ADAM22: variants seen among roughly 807,000 people sequenced by gnomAD.
ADAM22 encodes disintegrin and metalloproteinase domain-containing protein 22.
ADAM22 carries 65 observed loss-of-function variants against 144.6 expected under a neutral mutation model. The ratio of observed to expected loss-of-function variants is 0.45; its 90% CI spans 0.37 to 0.55. The LOEUF is 0.55. Among genes scored for constraint, ADAM22 ranks in the 20% least tolerant of loss-of-function variants. The probability of loss-of-function intolerance (pLI) is 0.00; values close to 1 mark genes in which losing one functional copy is unlikely to be tolerated. For synonymous variants in ADAM22, 391 were observed against 412.6 expected (o/e 0.95, Z 0.63); for missense variants, 974 against 1,184.9 (o/e 0.82, Z 2.61).
chr7:88,097,513 G>A (rs767561402), intron 4 of ADAM22, among the ~76,000 whole-genome samples: 2 of 151,598 alleles, frequency 1.3e-5, no homozygotes, highest in African/African-American at 2.4e-5. Flanking sequence ...AAGGAATGGA[G>A]GATAGAATTG....
At chr7:88,165,810 C>T (rs2129530529) in intron 23 of ADAM22, 22 bp from the exon 24 acceptor site, 1 of 1,537,458 alleles carries the variant, frequency 6.5e-7, no homozygotes, top group African/African-American at 1.4e-5. Context: ...GACATTTACT[C>T]TAGCTTGATT....
In ADAM22 at chr7:87,988,396, GGAC is replaced by G. The variant is rs567989050; in HGVS notation, c.323+9985_323+9987del. On this transcript the variant is annotated intron_variant, in intron 3 of 31. Coordinates refer to ENST00000413139, the MANE Select transcript of ADAM22 (RefSeq NM_001324418.2). ...AAGGCACTGTGATGCACCTCTGTGA[GGAC>G]TGTGCTGTAACAACCACATGTGGGT... Among the ~76,000 whole-genome samples, 345 of 152,280 alleles carry G rather than the reference GGAC, an allele frequency of 2.3e-3. 3 individuals carry two copies. The highest frequency in any genetic ancestry group is 7.8e-3 in the African/African-American group (322 of 41,548).
chr7:87,978,447 C>A, intron 3 of ADAM22, 35 bp downstream of exon 3: 1 of 1,561,930 alleles, frequency 6.4e-7, no homozygotes, highest in African/African-American at 1.4e-5. Flanking sequence ...TTGTCAGATA[C>A]ACATTGAATC....
chr7:88,006,938 A>G (rs888553451), intron 3 of ADAM22, among the ~76,000 whole-genome samples: 19 of 151,014 alleles, frequency 1.3e-4, no homozygotes, highest in Non-Finnish European at 2.2e-4. Flanking sequence ...AGGGTATTCA[A>G]TTAGGAAAAG....
chr7:88,125,553 A>G, intron 7 of ADAM22, 36 bp from the exon 8 acceptor site: 1 of 1,495,032 alleles, frequency 6.7e-7, no homozygotes, highest in Non-Finnish European at 9.2e-7. Context: ...AATCTGACAA[A>G]TGCACTAAGT....
At chr7:88,110,476 A>G (rs1016067915) in intron 5 of ADAM22, among the ~76,000 whole-genome samples, 9 of 152,116 alleles carry the variant, frequency 5.9e-5, no homozygotes, top group Admixed American at 1.3e-4. Context: ...GAGAGAAGAT[A>G]TTTGTGCCTT....
At position 87,998,515 on chromosome 7, in the gene ADAM22, C is replaced by T. The variant is rs563520616; in HGVS notation, c.323+20103C>T. On this transcript the variant is annotated intron_variant, in intron 3 of 31. Coordinates refer to ENST00000413139, the MANE Select transcript of ADAM22 (RefSeq NM_001324418.2). ...AGGTGATTCTCCTGCCTCAGCCTCC[C>T]GAGTAGCTGCGACTACAGGTGCACG... is the stretch of plus-strand genomic sequence containing the variant. Among the ~76,000 whole-genome samples the T allele has an allele frequency of 4.6e-5, 7 of 152,194 alleles. No homozygotes were observed. The East Asian group carries it at 5.8e-4, about 13-fold the overall frequency.
chr7:87,974,113 G>A lies in ADAM22; in HGVS notation c.247-4223G>A, dbSNP rs1366078995. 6.8e-5 allele frequency among the ~76,000 whole-genome samples: 10 copies of A among 147,976 alleles called. No homozygotes were observed. In the South Asian group the frequency reaches 1.9e-3, roughly 29 times the overall value. ...AATAATAAAATTAAAAAAAAAAAAA[G>A]AGAAACCTTGTCTCTACTAAAAAGA... is the stretch of plus-strand genomic sequence containing the variant. On this transcript the variant is annotated intron_variant, in intron 2 of 31. Coordinates refer to ENST00000413139, the MANE Select transcript of ADAM22 (RefSeq NM_001324418.2).
Position 88,202,118 on chromosome 7 carries a change from C to T in ADAM22, c.*5627C>T, listed in dbSNP as rs1042555672. The T allele has an allele frequency of 4.6e-5, 7 of 152,130 alleles. No individual in the cohort carries two copies. The highest frequency in any genetic ancestry group is 1.7e-4 in the African/African-American group (7 of 41,436). The allele number at this position is 152,130 out of a possible 1,614,324, so 9.4% of individuals were successfully genotyped here. On this transcript the variant is annotated 3_prime_UTR_variant, in exon 32 of 32. Coordinates refer to ENST00000413139, the MANE Select transcript of ADAM22 (RefSeq NM_001324418.2). ...GTGTATCACTGCCTGACTAGAAACC[C>T]CACTTTTCTTTTCTAATCCAGCACA... is the stretch of plus-strand genomic sequence containing the variant.
chr7:88,197,633 C>T lies in ADAM22; in HGVS notation c.*1142C>T, dbSNP rs1258775157. On this transcript the variant is annotated 3_prime_UTR_variant, in exon 32 of 32. Transcript: ENST00000413139. ...TGTGGCCTGAAGTTTTGTTCCTTGG[C>T]AAAACTTTGTAGTCACCCTTATCTG... The T allele has an allele frequency of 2.0e-5, 3 of 152,176 alleles. No homozygotes were observed. The highest frequency in any genetic ancestry group is 7.2e-5 in the African/African-American group (3 of 41,442). The allele number at this position is 152,176 out of a possible 1,614,324, so 9.4% of individuals were successfully genotyped here. A position where few individuals can be genotyped will look rare whatever the true frequency, so the allele number is the denominator to read the frequency against.
At position 88,061,353 on chromosome 7, in the gene ADAM22, C is replaced by T. The variant is rs368928807; in HGVS notation, c.324-14273C>T. Among the ~76,000 whole-genome samples the T allele has an allele frequency of 2.4e-4, 37 of 152,136 alleles. No individual in the cohort carries two copies. The East Asian group carries it at 2.9e-3, about 12-fold the overall frequency. ...TGTTCTTAATGGCATCTAGATGGGG[C>T]GAAGGTTTTCAATTTACTTTGCCCA... On this transcript the variant is annotated intron_variant, in intron 3 of 31. Coordinates refer to ENST00000413139, the MANE Select transcript of ADAM22 (RefSeq NM_001324418.2).
chr7:87,979,940 TCTGTGTTTTC>T (rs922194169), intron 3 of ADAM22, among the ~76,000 whole-genome samples: 6 of 152,216 alleles, frequency 3.9e-5, no homozygotes, highest in Admixed American at 2.0e-4. Flanking sequence ...CTGTTGGTAA[TCTGTGTTTTC>T]TGCTTCCTGA....
chr7:88,182,151 C>T (rs946921272), intron 29 of ADAM22, 127 bp downstream of exon 29: 21 of 783,928 alleles, frequency 2.7e-5, no homozygotes, highest in Middle Eastern at 3.8e-4. Context: ...CTTTTAAATT[C>T]TTTTTTGCCC....
In ADAM22 at chr7:88,153,258, G is replaced by T; in HGVS notation, c.1719G>T (p.Leu573=). The T allele has an allele frequency of 6.2e-7, 1 of 1,613,516 alleles. No homozygotes were observed. Reference sequence around the variant, plus strand: ...CAGACAAATATTGCTATGAGAAACTGAATATTGAAGGGACGGAGAAGGGTA... The same window carrying T: ...CAGACAAATATTGCTATGAGAAACTTAATATTGAAGGGACGGAGAAGGGTA... The part of the protein sequence containing the change: ...TASDKYCYEK[L]NIEGTEKGNC... The change falls in exon 21 of 32, where the codon CTG becomes CTT. Residue 573 remains leucine (L), a synonymous_variant. Transcript: ENST00000413139.
intron 3 of ADAM22, among the ~76,000 whole-genome samples, chr7:87,993,061 G>A (rs1790281064): frequency 6.6e-6 from 1 of 152,160 alleles, no homozygotes; most frequent in Non-Finnish European, 1.5e-5. Flanking sequence ...ACCAAACAAG[G>A]AATCTATTGG....
At chr7:87,946,508 A>G (rs1047101519) in intron 2 of ADAM22, among the ~76,000 whole-genome samples, 3 of 152,166 alleles carry the variant, frequency 2.0e-5, no homozygotes, top group African/African-American at 7.2e-5. Flanking sequence ...AGTTTGAAGC[A>G]TCTTGAGTTA....
chr7:87,964,080 A>G (rs540712940), intron 2 of ADAM22, among the ~76,000 whole-genome samples: 5 of 152,330 alleles, frequency 3.3e-5, no homozygotes, highest in African/African-American at 9.6e-5. Context: ...CTATGTCTTA[A>G]GTCTGTAAGA....
In ADAM22 at chr7:88,045,529, G is replaced by A. The variant is rs10270293; in HGVS notation, c.324-30097G>A. Among the ~76,000 whole-genome samples the A allele has an allele frequency of 8.5e-3, 1,290 of 152,166 alleles. 20 individuals are homozygous for A. The highest frequency in any genetic ancestry group is 0.03 in the African/African-American group (1,236 of 41,524). On this transcript the variant is annotated intron_variant, in intron 3 of 31. Coordinates refer to ENST00000413139, the MANE Select transcript of ADAM22 (RefSeq NM_001324418.2). ...TGAATTACTTTATCTGTCACCTCAC[G>A]TACTTTTCATGTTTTTATGGTGAGA... is the stretch of plus-strand genomic sequence containing the variant.
chr7:88,149,041 C>T lies in ADAM22; in HGVS notation c.1550C>T (p.Ser517Leu). 1 of 1,611,894 alleles carries T rather than the reference C, an allele frequency of 6.2e-7. No individual in the cohort carries two copies. The highest frequency in any genetic ancestry group is 8.5e-7 in the Non-Finnish European group (1 of 1,178,634). Residue 517 changes from serine to leucine, a missense_variant, in exon 18 of 32, where the codon TCA becomes TTA. By Grantham distance (145) the Ser-to-Leu change is moderately radical. This residue lies in a region of ADAM22 where 734 missense variants were observed against 950.6 expected (regional missense o/e 0.77). Coordinates refer to ENST00000413139, the MANE Select transcript of ADAM22 (RefSeq NM_001324418.2). ...GATTGTGATATTCGTGAAACGTGCT[C>T]AGGAAATTCAAGCCAGGTAATTTAC... ...VNDCDIRETCSGNSSQCAPNI... is the reference protein window; with the variant it reads ...VNDCDIRETCLGNSSQCAPNI...
Sources: allele counts gnomAD v4.1 joint callset (sites outside exome capture counted in the v4.1 genomes callset), GRCh38; gene constraint gnomAD v4.1.1; regional missense constraint gnomAD v4.1.1; transcripts MANE v1.5; gene names NCBI Gene and HGNC (gene_info 2026-07-23, HGNC 2026-07-21).